The following PDE10A variants were observed in gnomAD, a reference collection of about 807,000 sequenced individuals.
The protein encoded by PDE10A is phosphodiesterase 10A, also known as cAMP and cAMP-inhibited cGMP 3',5'-cyclic phosphodiesterase 10A.
A neutral mutation model predicts 97.7 loss-of-function variants in PDE10A; 39 were observed. The ratio of observed to expected loss-of-function variants is 0.40; its 90% CI spans 0.31 to 0.52. The LOEUF is 0.52. Among genes scored for constraint, PDE10A ranks in the 20% least tolerant of loss-of-function variants. The pLI is 0.56. For synonymous variants in PDE10A, 371 were observed against 376.8 expected, an observed-to-expected ratio of 0.98 and a Z score of 0.18; for missense variants, 731 against 1,047.8, an observed-to-expected ratio of 0.70 and a Z score of 4.17.
At chr6:165,534,384 C>T (rs536089654) in intron 2 of PDE10A, among the ~76,000 whole-genome samples, 1 of 150,396 alleles carries the variant, frequency 6.6e-6, no homozygotes, top group African/African-American at 2.4e-5. Flanking sequence ...AGAAGAACCA[C>T]CCCAATTCTA....
chr6:165,372,643 G>T (rs949199853), intron 18 of PDE10A, among the ~76,000 whole-genome samples: 1 of 150,682 alleles, frequency 6.6e-6, no homozygotes, highest in Non-Finnish European at 1.5e-5. Flanking sequence ...TGTGAAAATC[G>T]CCATACTGCC....
chr6:165,702,777 C>G (rs1479503920), intron 1 of PDE10A, among the ~76,000 whole-genome samples: 1 of 152,156 alleles, frequency 6.6e-6, no homozygotes, highest in Admixed American at 6.5e-5. Context: ...AAGAAGGGAT[C>G]CTGCAGTTCC....
chr6:165,478,917 TG>T (rs761676416), intron 3 of PDE10A, among the ~76,000 whole-genome samples: 26 of 152,208 alleles, frequency 1.7e-4, no homozygotes, highest in Non-Finnish European at 3.1e-4. Context: ...GACTATGACC[TG>T]GATGCTACCT....
chr6:165,335,143 C>T (rs1781573875), intron 21 of PDE10A, among the ~76,000 whole-genome samples: 1 of 152,128 alleles, frequency 6.6e-6, no homozygotes, highest in Non-Finnish European at 1.5e-5. Context: ...TTAAAAATAT[C>T]CAAGGTTCTT....
chr6:165,462,373 C>T (rs221741), intron 3 of PDE10A, among the ~76,000 whole-genome samples: 33,620 of 152,120 alleles, frequency 0.22, 3,927 homozygotes, highest in South Asian at 0.34. Context: ...CTACAGAAAC[C>T]AGATGCAAAG....
chr6:165,519,690 C>T (rs471591), intron 2 of PDE10A, among the ~76,000 whole-genome samples: 152,298 of 152,320 alleles, frequency 1, 76,138 homozygotes, highest in Non-Finnish European at 1. Flanking sequence ...AACTCACCCC[C>T]TAGCTTTCTT....
intron 1 of PDE10A, chr6:165,718,301 A>G (rs1046188351): frequency 6.6e-6 from 1 of 152,208 alleles, no homozygotes; most frequent in African/African-American, 2.4e-5. Context: ...ATCTCTGTGT[A>G]GTTCCAATTT....
chr6:165,959,381 T>C (rs1784290756), intron 1 of PDE10A, among the ~76,000 whole-genome samples: 1 of 152,198 alleles, frequency 6.6e-6, no homozygotes, highest in South Asian at 2.1e-4. Flanking sequence ...CTTTTCTTTC[T>C]TGCACTAATG....
At chr6:165,790,324 A>G (rs935073843) in intron 1 of PDE10A, among the ~76,000 whole-genome samples, 9 of 152,184 alleles carry the variant, frequency 5.9e-5, no homozygotes, top group African/African-American at 2.2e-4. Context: ...GGAGGTAGAA[A>G]GGAAATACAT....
chr6:165,714,988 G>T (rs781188093), intron 1 of PDE10A, among the ~76,000 whole-genome samples: 4 of 152,254 alleles, frequency 2.6e-5, no homozygotes, highest in Non-Finnish European at 4.4e-5. Flanking sequence ...ACAAAGACCC[G>T]GTGTGAACTG....
intron 1 of PDE10A, among the ~76,000 whole-genome samples, chr6:165,906,066 GTCCC>G (rs1299907378): frequency 3.6e-4 from 2 of 5,576 alleles, no homozygotes; most frequent in African/African-American, 9.1e-4. Context: ...CCCTCCCTCC[GTCCC>G]TTCCTTCCTC....
At chr6:165,588,653 TAA>T (rs1786068349) in intron 1 of PDE10A, among the ~76,000 whole-genome samples, 1 of 152,134 alleles carries the variant, frequency 6.6e-6, no homozygotes, top group Non-Finnish European at 1.5e-5. Context: ...ATATATTCCA[TAA>T]AAAGAGGGAA....
At chr6:165,949,393 A>T (rs1343325494) in intron 1 of PDE10A, 3 of 152,296 alleles carry the variant, frequency 2.0e-5, no homozygotes, top group Non-Finnish European at 2.9e-5. Flanking sequence ...AGCACGGCTC[A>T]AACAGCAACA....
At chr6:165,404,915 G>T (rs1787000987) in intron 13 of PDE10A, among the ~76,000 whole-genome samples, 2 of 152,034 alleles carry the variant, frequency 1.3e-5, no homozygotes, top group South Asian at 2.1e-4. Context: ...CAGTAGAGTT[G>T]TATCTTTGAC....
intron 1 of PDE10A, among the ~76,000 whole-genome samples, chr6:165,896,355 AT>A (rs772660262): frequency 5.5e-3 from 788 of 143,872 alleles, no homozygotes; most frequent in East Asian, 9.9e-3. Flanking sequence ...ATATTTAGTA[AT>A]TTTTTTTTTT....
At chr6:165,850,265 T>A (rs1250071057) in intron 1 of PDE10A, among the ~76,000 whole-genome samples, 1 of 152,140 alleles carries the variant, frequency 6.6e-6, no homozygotes, top group Non-Finnish European at 1.5e-5. Flanking sequence ...CTTAACATCA[T>A]CCGTGCAAAT....
At chr6:165,820,950 T>G (rs1207224893) in intron 1 of PDE10A, among the ~76,000 whole-genome samples, 1 of 152,228 alleles carries the variant, frequency 6.6e-6, no homozygotes, top group African/African-American at 2.4e-5. Flanking sequence ...AGTTGTCAAT[T>G]TAGACAGCTT....
At chr6:165,591,105 T>TG (rs1786237032) in intron 1 of PDE10A, among the ~76,000 whole-genome samples, 1 of 152,020 alleles carries the variant, frequency 6.6e-6, no homozygotes, top group Non-Finnish European at 1.5e-5. Context: ...GTATTTTTAT[T>TG]GGGAAAAAAA....
At chr6:165,839,422 C>T (rs1415166875) in intron 1 of PDE10A, among the ~76,000 whole-genome samples, 1 of 152,198 alleles carries the variant, frequency 6.6e-6, no homozygotes, top group African/African-American at 2.4e-5. Context: ...AAGAAACTTA[C>T]ATTAAAATGT....
Sources: allele counts gnomAD v4.1 joint callset (sites outside exome capture counted in the v4.1 genomes callset), GRCh38; gene constraint gnomAD v4.1.1; transcripts MANE v1.5; gene names NCBI Gene and HGNC (gene_info 2026-07-23, HGNC 2026-07-21).